FNBP4: variants seen among roughly 807,000 people sequenced by gnomAD.
FNBP4 encodes the protein formin binding protein 4, also known as formin-binding protein 4.
FNBP4 carries 34 observed loss-of-function variants against 119.3 expected under a neutral mutation model. The ratio of observed to expected loss-of-function variants is 0.28; its 90% confidence interval spans 0.22 to 0.38. FNBP4 has a LOEUF of 0.38. Ranked by LOEUF, FNBP4 falls within the 10% of genes least tolerant of loss-of-function variation. The probability of loss-of-function intolerance (pLI) is 1.00; values close to 1 mark genes in which losing one functional copy is unlikely to be tolerated. For missense variants in FNBP4, 1,112 were observed against 1,228.9 expected (o/e 0.90, Z 1.42); for synonymous variants, 462 against 430.6 (o/e 1.07, Z -0.90).
At chr11:47,766,734 G>A (rs2097648420) in intron 1 of FNBP4, among the ~76,000 whole-genome samples, 1 of 152,272 alleles carries the variant, frequency 6.6e-6, no homozygotes, top group Admixed American at 6.5e-5. Context: ...CGCGCACGCG[G>A]AAACTCATCC....
intron 10 of FNBP4, among the ~76,000 whole-genome samples, chr11:47,733,538 T>C (rs1350779839): frequency 1.3e-5 from 2 of 152,132 alleles, no homozygotes; most frequent in East Asian, 3.9e-4. Flanking sequence ...TTTCACCATG[T>C]TGGTCAGGCT....
At chr11:47,718,905 GTT>G (rs35422529) in intron 16 of FNBP4, among the ~76,000 whole-genome samples, 10 of 130,304 alleles carry the variant, frequency 7.7e-5, no homozygotes, top group Non-Finnish European at 9.8e-5. Flanking sequence ...CACCCAACAT[GTT>G]TTTTTTTTTT....
chr11:47,754,772 GAACAT>G, intron 2 of FNBP4, 108 bp from the exon 3 acceptor site: 5 of 1,149,618 alleles, frequency 4.3e-6, no homozygotes. Context: ...TTACAGATTA[GAACAT>G]AACCGCAAAA....
At position 47,765,278 on chromosome 11, in the gene FNBP4, T is replaced by G. The variant is rs1177470552; in HGVS notation, c.305A>C (p.Lys102Thr). 2 of 1,605,552 alleles carry G rather than the reference T, an allele frequency of 1.2e-6. No individual in the cohort carries two copies. The highest frequency in any genetic ancestry group is 1.7e-6 in the Non-Finnish European group (2 of 1,176,232). Residue 102 changes from lysine (K) to threonine (T), a missense_variant, in exon 2 of 17, where the codon AAA becomes ACA. Lys to Thr is a moderately conservative substitution (Grantham distance 78). Coordinates refer to ENST00000263773, the MANE Select transcript of FNBP4 (RefSeq NM_015308.5). ...ACAAAACAAAAGCATACCTGTTGCT[T>G]TAACAGCTGTGGGTCTAGTGGTCAT... ...PVMTTRPTAVKATGGLCLLGA... is the reference protein window; with the variant it reads ...PVMTTRPTAVTATGGLCLLGA...
In FNBP4 at chr11:47,720,040, T is replaced by C; in HGVS notation, c.2852A>G (p.Gln951Arg). The C allele has an allele frequency of 6.2e-7, 1 of 1,614,140 alleles. No individual in the cohort carries two copies. Among genetic ancestry groups the C allele is most frequent in the Non-Finnish European group, 8.5e-7 (1 of 1,180,004 alleles). The change falls in exon 16 of 17, where the codon CAG (glutamine) becomes CGG (arginine). Residue 951 changes from glutamine to arginine, a missense_variant. Transcript: ENST00000263773. ...TTCATCTAACTCACGCTGGATACTC[T>C]GCCACTTTTTTACCAAAGATGGCAT... ...TKMPSLVKKWQSIQRELDEED... is the reference protein window; with the variant it reads ...TKMPSLVKKWRSIQRELDEED...
intron 6 of FNBP4, among the ~76,000 whole-genome samples, chr11:47,748,978 G>A (rs574348169): frequency 6.6e-6 from 1 of 151,996 alleles, no homozygotes; most frequent in Admixed American, 6.6e-5. Flanking sequence ...TTTTTTTTGG[G>A]CTACATGCAG....
chr11:47,765,368 T>G lies in FNBP4; in HGVS notation c.221-6A>C. 1 of 1,203,728 alleles carries G rather than the reference T, an allele frequency of 8.3e-7. No homozygotes were observed. Among genetic ancestry groups the G allele is most frequent in the South Asian group, 1.5e-5 (1 of 66,758 alleles). 74.6% of individuals were successfully genotyped at this position (1,203,728 alleles called of 1,614,324 possible). A position where few individuals can be genotyped will look rare whatever the true frequency, so the allele number is the denominator to read the frequency against. On this transcript the variant is annotated splice_region_variant and splice_polypyrimidine_tract_variant and intron_variant, in intron 1 of 16. Coordinates refer to ENST00000263773, the MANE Select transcript of FNBP4 (RefSeq NM_015308.5). ...CTGCACCGCTTCCTGTTCATCTGGA[T>G]TAAAAAAAAAGAAAAGAAAAGAAAA...
At chr11:47,738,720 G>A (rs1408939710) in intron 8 of FNBP4, among the ~76,000 whole-genome samples, 3 of 151,146 alleles carry the variant, frequency 2.0e-5, no homozygotes, top group African/African-American at 7.3e-5. Flanking sequence ...AATCTTTGTC[G>A]CCCAGGCTGG....
chr11:47,754,095 CTCGGGTGCACATA>C (rs1247881023), intron 3 of FNBP4, among the ~76,000 whole-genome samples: 6 of 151,772 alleles, frequency 4.0e-5, no homozygotes, highest in African/African-American at 1.5e-4. Context: ...GCCCCAGCTA[CTCGGGTGCACATA>C]CCTGTAGCCT....
In FNBP4 at chr11:47,723,078, G is replaced by C; in HGVS notation, c.2703C>G (p.Thr901=). 6.2e-7 allele frequency: 1 copy of C among 1,610,598 alleles called. No individual in the cohort carries two copies. The highest frequency in any genetic ancestry group is 8.5e-7 in the Non-Finnish European group (1 of 1,178,446). The change falls in exon 15 of 17, where the codon ACC becomes ACG. Residue 901 remains threonine, a synonymous_variant. Transcript: ENST00000263773. ...GAGGTGGTGGTGGTGGTTCTATAAT[G>C]GTAGCGGTAGGCACAGCACCTCGGG... The part of the protein sequence containing the change: ...VQARGAVPTA[T]IIEPPPPPPP...
At position 47,724,569 on chromosome 11, in the gene FNBP4, C is replaced by T. The variant is rs1010615417; in HGVS notation, c.2218G>A (p.Val740Ile). 2 of 1,614,050 alleles carry T rather than the reference C, an allele frequency of 1.2e-6. No homozygotes were observed. Among genetic ancestry groups the T allele is most frequent in the South Asian group, 1.1e-5 (1 of 91,088 alleles). ...TCACTTCCCTCATCCTCCATCTCTA[C>T]CTCCTGGATCTCACCATCTTCCGCA... ...PPAEDGEIQEVEMEDEGSEEP... is the reference protein window; with the variant it reads ...PPAEDGEIQEIEMEDEGSEEP... Residue 740 changes from valine to isoleucine, a missense_variant, in exon 13 of 17, where the codon GTA (valine) becomes ATA (isoleucine). Coordinates refer to ENST00000263773, the MANE Select transcript of FNBP4 (RefSeq NM_015308.5).
At chr11:47,718,558 G>A (rs1031233222) in intron 16 of FNBP4, among the ~76,000 whole-genome samples, 1 of 152,056 alleles carries the variant, frequency 6.6e-6, no homozygotes, top group African/African-American at 2.4e-5. Context: ...TTATTTGTAA[G>A]GATTAAAATT....
At chr11:47,753,626 CA>C (rs921623596) in intron 3 of FNBP4, among the ~76,000 whole-genome samples, 254 of 146,168 alleles carry the variant, frequency 1.7e-3, no homozygotes, top group Middle Eastern at 3.5e-3. Flanking sequence ...AAACAAAAAA[CA>C]AAAAAAAAAG....
chr11:47,728,492 G>C (rs151189700), intron 12 of FNBP4, among the ~76,000 whole-genome samples: 21 of 152,116 alleles, frequency 1.4e-4, no homozygotes, highest in Admixed American at 2.0e-4. Flanking sequence ...TGATCTGCGC[G>C]CCTTGGCCTC....
chr11:47,728,512 T>G (rs1300324544), intron 12 of FNBP4, among the ~76,000 whole-genome samples: 1 of 152,166 alleles, frequency 6.6e-6, no homozygotes, highest in Non-Finnish European at 1.5e-5. Context: ...CCCAAAGTGC[T>G]GGGATTACAG....
chr11:47,732,688 A>G lies in FNBP4; in HGVS notation c.1687-18T>C, dbSNP rs1206034650. On this transcript the variant is annotated intron_variant, in intron 10 of 16. Transcript: ENST00000263773. The surrounding 1 kb of genome is among the most constrained non-coding windows in gnomAD (Gnocchi z 4.2). ...ATTCGAGTCTAGAATAAACAGACAA[A>G]TAAGTTAAAGACTTATTATTACATG... 3 of 1,611,944 alleles carry G rather than the reference A, an allele frequency of 1.9e-6. No homozygotes were observed. The African/African-American group carries it at 4.0e-5, about 22-fold the overall frequency.
In FNBP4 at chr11:47,718,320, T is replaced by G. The variant is rs993715204; in HGVS notation, c.2964-808A>C. Among the ~76,000 whole-genome samples the G allele has an allele frequency of 3.9e-5, 6 of 152,064 alleles. 1 individual carries two copies. The highest frequency in any genetic ancestry group is 3.3e-4 in the Admixed American group (5 of 15,238). ...CCTCTGCCTCCTAGGTCCAAGCGAT[T>G]CTCCTGCCTCAGCCTCCCAAGTGGC... is the stretch of plus-strand genomic sequence containing the variant. On this transcript the variant is annotated intron_variant, in intron 16 of 16. Coordinates refer to ENST00000263773, the MANE Select transcript of FNBP4 (RefSeq NM_015308.5).
chr11:47,759,043 C>T (rs966378285), intron 2 of FNBP4, among the ~76,000 whole-genome samples: 6 of 151,398 alleles, frequency 4.0e-5, no homozygotes, highest in East Asian at 3.9e-4. Flanking sequence ...CTCAGCCTCC[C>T]GAGTAGCTAG....
rs2097579868 is a variant in FNBP4, at chr11:47,740,154, C to T, written c.1457-3414G>A. The stretch of plus-strand genomic sequence containing the variant: ...AATTGGTCAGGCGCAGTGTCTCACG[C>T]CTGTAATCCAAGCACTTTGGGAGGC... On this transcript the variant is annotated intron_variant, in intron 8 of 16. Coordinates refer to ENST00000263773, the MANE Select transcript of FNBP4 (RefSeq NM_015308.5). Among the ~76,000 whole-genome samples the T allele has an allele frequency of 3.3e-5, 5 of 151,986 alleles. No individual in the cohort carries two copies. The South Asian group carries it at 1.0e-3, about 32-fold the overall frequency.
Sources: allele counts gnomAD v4.1 joint callset (sites outside exome capture counted in the v4.1 genomes callset), GRCh38; gene constraint gnomAD v4.1.1; non-coding constraint Gnocchi (gnomAD v3.1); transcripts MANE v1.5; gene names NCBI Gene and HGNC (gene_info 2026-07-23, HGNC 2026-07-21).